Variants in GALC observed in about 807,000 individuals in gnomAD.
The protein encoded by GALC is galactocerebrosidase.
GALC carries 77 observed loss-of-function variants against 91.8 expected under a neutral mutation model. The observed-to-expected ratio is 0.84, with a 90% CI of 0.70 to 1.01. GALC has a LOEUF of 1.01. GALC is among the 50% of genes least tolerant of loss of function. The pLI is 0.00. For synonymous variants in GALC, 357 were observed against 306.7 expected (o/e 1.16, Z -1.71); for missense variants, 882 against 855.9 (o/e 1.03, Z -0.38).
intron 4 of GALC, among the ~76,000 whole-genome samples, chr14:87,985,433 T>C (rs1309208038): frequency 6.6e-6 from 1 of 152,160 alleles, no homozygotes; most frequent in African/African-American, 2.4e-5. Flanking sequence ...GCCTACCAAG[T>C]CTTTGTTAGG....
At chr14:87,940,307 G>T (rs1477396427) in intron 15 of GALC, among the ~76,000 whole-genome samples, 1 of 151,874 alleles carries the variant, frequency 6.6e-6, no homozygotes, top group Non-Finnish European at 1.5e-5. Context: ...ATACATGACT[G>T]GATTGAATAT....
chr14:87,986,943 C>T, intron 3 of GALC: 1 of 438,282 alleles, frequency 2.3e-6, no homozygotes, highest in South Asian at 1.7e-5. Flanking sequence ...TTCAAATCCC[C>T]ATGTCCAACT....
At chr14:87,960,362 G>A (rs1450693961) in intron 10 of GALC, among the ~76,000 whole-genome samples, 1 of 152,190 alleles carries the variant, frequency 6.6e-6, no homozygotes, top group Non-Finnish European at 1.5e-5. Context: ...GGTGAAGACG[G>A]TTAACAGTAA....
At chr14:87,971,246 G>A (rs1310964569) in intron 7 of GALC, among the ~76,000 whole-genome samples, 1 of 152,262 alleles carries the variant, frequency 6.6e-6, no homozygotes, top group African/African-American at 2.4e-5. Flanking sequence ...TCAGCAGATG[G>A]TATATGGAAA....
chr14:87,992,312 C>T (rs1887232332), intron 1 of GALC: 2 of 1,535,604 alleles, frequency 1.3e-6, no homozygotes, highest in Admixed American at 2.0e-5. Context: ...ACCCAAAGGT[C>T]GGCCACCATG....
intron 12 of GALC, among the ~76,000 whole-genome samples, chr14:87,948,256 A>C (rs1321340080): frequency 1.3e-5 from 2 of 152,050 alleles, no homozygotes; most frequent in Non-Finnish European, 2.9e-5. Context: ...TAAGGTAAAA[A>C]AATTCATAAA....
In GALC at chr14:87,992,409, C is replaced by T. The variant is rs930604908; in HGVS notation, c.195+561G>A. On this transcript the variant is annotated intron_variant, in intron 1 of 16. Coordinates refer to ENST00000261304, the MANE Select transcript of GALC (RefSeq NM_000153.4). Reference sequence around the variant, plus strand: ...AAGAGACCTTGAGGCACCAGTCCTGCCTCCAAACGAAATCCTATTCGGCGC... The same window carrying T: ...AAGAGACCTTGAGGCACCAGTCCTGTCTCCAAACGAAATCCTATTCGGCGC... 3 of 1,535,608 alleles carry T rather than the reference C, an allele frequency of 2.0e-6. No individual in the cohort carries two copies. The African/African-American group carries it at 4.1e-5, about 21-fold the overall frequency.
intron 7 of GALC, among the ~76,000 whole-genome samples, chr14:87,974,232 T>C (rs1886405651): frequency 6.6e-6 from 1 of 152,010 alleles, no homozygotes; most frequent in Admixed American, 6.6e-5. Flanking sequence ...AAAACGGCCT[T>C]GAAAGGTAAA....
intron 16 of GALC, among the ~76,000 whole-genome samples, chr14:87,938,534 A>G (rs2139934578): frequency 6.6e-6 from 1 of 152,140 alleles, no homozygotes; most frequent in African/African-American, 2.4e-5. Context: ...GATTTGTTAC[A>G]TCAAAAAGGT....
chr14:87,993,581 G>C (rs1337403863), upstream of GALC: 3 of 1,050,748 alleles, frequency 2.9e-6, no homozygotes, highest in East Asian at 7.8e-5. Flanking sequence ...GAATCACTTT[G>C]CTTTTGGAGC....
In GALC at chr14:87,933,934, G is replaced by C; in HGVS notation, c.*798C>G. On this transcript the variant is annotated 3_prime_UTR_variant, in exon 17 of 17. Transcript: ENST00000261304. ...GTGAGGACAGACCACAGCACAGTGA[G>C]ATGAGGCTGAGGAAACGACTACAAC... is the stretch of plus-strand genomic sequence containing the variant. The C allele has an allele frequency of 6.8e-7, 1 of 1,462,416 alleles. No individual in the cohort carries two copies. The allele number at this position is 1,462,416 out of a possible 1,614,324, so 90.6% of individuals were successfully genotyped here. A position where few individuals can be genotyped will look rare whatever the true frequency, so the allele number is the denominator to read the frequency against.
chr14:87,948,476 TA>T (rs1237480361), intron 12 of GALC, among the ~76,000 whole-genome samples: 2 of 152,090 alleles, frequency 1.3e-5, no homozygotes, highest in African/African-American at 2.4e-5. Flanking sequence ...CTGTGAGGAT[TA>T]AACCAGATAA....
intron 1 of GALC, 74 bp from the exon 2 acceptor site, chr14:87,988,597 C>T: frequency 1.9e-6 from 2 of 1,034,212 alleles, no homozygotes; most frequent in Non-Finnish European, 3.1e-6. Flanking sequence ...TGTTCACGCA[C>T]ACCACCTGGT....
intron 16 of GALC, among the ~76,000 whole-genome samples, chr14:87,938,855 A>G (rs1884704530): frequency 6.6e-6 from 1 of 151,972 alleles, no homozygotes; most frequent in Non-Finnish European, 1.5e-5. Context: ...TAGAATACAC[A>G]TGAAGGAAGA....
chr14:87,940,063 G>A lies in GALC; in HGVS notation c.1835-82C>T, dbSNP rs565307001. On this transcript the variant is annotated intron_variant, in intron 15 of 16. Coordinates refer to ENST00000261304, the MANE Select transcript of GALC (RefSeq NM_000153.4). Reference sequence around the variant, plus strand: ...TCATATAATTCAGTGGGGTTCTTGAGTGGCATCTGTATGTAGTAAAGTCAG... The same window carrying A: ...TCATATAATTCAGTGGGGTTCTTGAATGGCATCTGTATGTAGTAAAGTCAG... The A allele has an allele frequency of 6.4e-5, 67 of 1,045,396 alleles. 1 individual carries two copies. The South Asian group carries it at 8.1e-4, about 13-fold the overall frequency. 64.8% of individuals were successfully genotyped at this position (1,045,396 alleles called of 1,614,324 possible).
At chr14:87,984,243 G>A (rs1434713977) in intron 5 of GALC, 151 bp downstream of exon 5, 1 of 735,550 alleles carries the variant, frequency 1.4e-6, no homozygotes, top group Non-Finnish European at 2.2e-6. Flanking sequence ...AAAGGTCACA[G>A]GTACTTAGTT....
intron 10 of GALC, among the ~76,000 whole-genome samples, chr14:87,962,831 C>G (rs965627277): frequency 6.6e-6 from 1 of 152,124 alleles, no homozygotes; most frequent in Non-Finnish European, 1.5e-5. Context: ...CTTCTCTCCA[C>G]TGGCTTCTGC....
intron 4 of GALC, among the ~76,000 whole-genome samples, chr14:87,985,296 A>C (rs187447525): frequency 5.8e-4 from 89 of 152,364 alleles, no homozygotes; most frequent in Non-Finnish European, 1.1e-3. Context: ...TGAAAAAAAT[A>C]AAAATCAAAA....
chr14:87,954,489 A>G, intron 10 of GALC: 1 of 1,569,922 alleles, frequency 6.4e-7, no homozygotes, highest in Non-Finnish European at 8.7e-7. Flanking sequence ...GTTCAGCGCA[A>G]TTACACACTA....
Sources: gnomAD v4.1 joint callset for allele counts (sites outside exome capture counted in the v4.1 genomes callset) on GRCh38, gnomAD v4.1.1 for gene constraint, MANE v1.5 for transcripts, NCBI Gene and HGNC (gene_info 2026-07-23, HGNC 2026-07-21) for gene names.